Variants in COL16A1 observed in about 807,000 individuals in gnomAD.
COL16A1 encodes the protein collagen alpha-1(XVI) chain.
Under a neutral mutation model 266.3 loss-of-function variants are expected in COL16A1, and 189 were observed. That is an observed-to-expected ratio of 0.71 (90% CI 0.63 to 0.80). The LOEUF is 0.80. Ranked by LOEUF, COL16A1 falls within the 30% of genes least tolerant of loss-of-function variation. The pLI is 0.00. For missense variants in COL16A1, 1,928 were observed against 2,122.4 expected (o/e 0.91, Z 1.80); for synonymous variants, 740 against 782.3 (o/e 0.95, Z 0.90).
At chr1:31,674,282 G>A (rs921763214) in intron 44 of COL16A1, among the ~76,000 whole-genome samples, 2 of 152,196 alleles carry the variant, frequency 1.3e-5, no homozygotes, top group African/African-American at 4.8e-5. Context: ...AGGATGCTGG[G>A]CTAGAGGAGA....
intron 57 of COL16A1, 21 bp downstream of exon 57, chr1:31,662,566 G>A (rs114016347): frequency 0.031 from 49,129 of 1,560,402 alleles, 932 homozygotes; most frequent in Non-Finnish European, 0.038. Flanking sequence ...CGTCTGCCAC[G>A]CTGAAAGGGC....
rs559874463 is a variant in COL16A1, at chr1:31,657,362, T to C, written c.4021-294A>G. 32 of 476,590 alleles carry C rather than the reference T, an allele frequency of 6.7e-5. No homozygotes were observed. The South Asian group carries it at 1.1e-3, about 16-fold the overall frequency. The allele number at this position is 476,590 out of a possible 1,614,324, so 29.5% of individuals were successfully genotyped here. A position where few individuals can be genotyped will look rare whatever the true frequency, so the allele number is the denominator to read the frequency against. On this transcript the variant is annotated intron_variant, in intron 64 of 70. Coordinates refer to ENST00000373672, the MANE Select transcript of COL16A1 (RefSeq NM_001856.4). This position sits in a 1 kb window ranked among gnomAD's most constrained non-coding sequence, Gnocchi z 6.4. ...GCTTGGATCCTGGCACCTTGCACAC[T>C]CCCTGGCTCTGAATCTATGTTAAAC...
At chr1:31,694,032 A>G (rs1644390215) in intron 12 of COL16A1, 112 bp downstream of exon 12, 1 of 970,514 alleles carries the variant, frequency 1.0e-6, no homozygotes, top group Non-Finnish European at 1.6e-6. Context: ...CCCTACACAC[A>G]TACAGGCTCA....
chr1:31,693,190 G>A (rs768191352), intron 12 of COL16A1, 36 bp from the exon 13 acceptor site: 8 of 1,367,660 alleles, frequency 5.8e-6, no homozygotes, highest in East Asian at 4.6e-5. Context: ...TAGGACCAGA[G>A]GGGGCACATG....
At chr1:31,683,468 C>T (rs1643794167) in intron 34 of COL16A1, 99 bp from the exon 35 acceptor site, 1 of 1,602,986 alleles carries the variant, frequency 6.2e-7, no homozygotes, top group Non-Finnish European at 8.5e-7. Flanking sequence ...GGGGTATCTG[C>T]CAGCCCAAAT....
chr1:31,679,555 T>TG, intron 42 of COL16A1, 77 bp downstream of exon 42: 1 of 1,613,966 alleles, frequency 6.2e-7, no homozygotes, highest in East Asian at 2.2e-5. Flanking sequence ...GCAGCATCCT[T>TG]GGGGTCCAGC....
At chr1:31,661,878 C>A (rs1641701724) in intron 58 of COL16A1, 174 bp from the exon 59 acceptor site, 3 of 691,504 alleles carry the variant, frequency 4.3e-6, no homozygotes, top group Admixed American at 3.1e-5. Context: ...TCCAGCCCCT[C>A]TCCGGGCCTT....
intron 23 of COL16A1, 135 bp from the exon 24 acceptor site, chr1:31,689,220 C>T: frequency 7.1e-7 from 1 of 1,406,110 alleles, no homozygotes; most frequent in South Asian, 1.4e-5. Context: ...GGTCCAAGGC[C>T]AGCACCCCAG....
rs1641919225 is a variant in COL16A1 at position 31,664,121 on chromosome 1, G to A, written c.3555+1051C>T. ...TTCTCTGCAATGACCAGCCTAAGGA[G>A]AGCAGGGGCTGCCACTCAGGTCCTG... On this transcript the variant is annotated intron_variant, in intron 56 of 70. Coordinates refer to ENST00000373672, the MANE Select transcript of COL16A1 (RefSeq NM_001856.4). This position sits in a 1 kb window ranked among gnomAD's most constrained non-coding sequence, Gnocchi z 5.5. 7.1e-6 allele frequency among the ~76,000 whole-genome samples: 1 copy of A among 140,652 alleles called. No homozygotes were observed. Among genetic ancestry groups the A allele is most frequent in the South Asian group, 2.5e-4 (1 of 3,950 alleles). The allele number at this position is 140,652 out of a possible 152,430, so 92.3% of individuals were successfully genotyped here. A position where few individuals can be genotyped will look rare whatever the true frequency, so the allele number is the denominator to read the frequency against.
chr1:31,670,138 G>A lies in COL16A1; in HGVS notation c.3195+464C>T, dbSNP rs1304273984. On this transcript the variant is annotated intron_variant, in intron 49 of 70. Coordinates refer to ENST00000373672, the MANE Select transcript of COL16A1 (RefSeq NM_001856.4). This position sits in a 1 kb window ranked among gnomAD's most constrained non-coding sequence, Gnocchi z 4.5. ...CCCTAAAGCTTTGGCATCTCTGCTG[G>A]GCTCTGAGCCAGGTGCCTGGCAGGG... 1 of 158,648 alleles carries A rather than the reference G, an allele frequency of 6.3e-6. No individual in the cohort carries two copies. The highest frequency in any genetic ancestry group is 6.5e-5 in the Admixed American group (1 of 15,420). 9.8% of individuals were successfully genotyped at this position (158,648 alleles called of 1,614,324 possible).
At chr1:31,669,269 C>A (rs959249995) in intron 49 of COL16A1, among the ~76,000 whole-genome samples, 4 of 151,990 alleles carry the variant, frequency 2.6e-5, no homozygotes, top group African/African-American at 7.3e-5. Context: ...TGGATGCTGC[C>A]ACCAAAGTGT....
intron 4 of COL16A1, among the ~76,000 whole-genome samples, chr1:31,699,489 TGC>T (rs994480931): frequency 1.2e-4 from 19 of 152,016 alleles, no homozygotes; most frequent in Admixed American, 6.6e-4. Flanking sequence ...CACACGCATG[TGC>T]GCACACACAC....
intron 42 of COL16A1, among the ~76,000 whole-genome samples, 198 bp from the exon 43 acceptor site, chr1:31,675,509 G>A (rs557732572): frequency 2.6e-5 from 4 of 152,284 alleles, no homozygotes; most frequent in African/African-American, 9.6e-5. Context: ...GCCCAGAAGA[G>A]CGACCCCCCA....
chr1:31,660,486 A>G (rs1570362813), intron 62 of COL16A1, 99 bp downstream of exon 62: 19 of 1,518,392 alleles, frequency 1.3e-5, no homozygotes, highest in South Asian at 5.0e-5. Flanking sequence ...GGCAGCCCCT[A>G]TGGCAAGTTC....
chr1:31,681,930 G>A (rs544237456), intron 37 of COL16A1, among the ~76,000 whole-genome samples: 64 of 152,198 alleles, frequency 4.2e-4, no homozygotes, highest in Non-Finnish European at 5.4e-4. Context: ...TGCTTTGGAC[G>A]TTGGTGCACT....
chr1:31,695,903 C>T (rs1644477099), intron 9 of COL16A1, 116 bp from the exon 10 acceptor site: 1 of 1,026,872 alleles, frequency 9.7e-7, no homozygotes, highest in African/African-American at 1.6e-5. Context: ...GTGCCAGGCA[C>T]TGCGTCTGTC....
chr1:31,654,947 G>T, intron 67 of COL16A1, 89 bp from the exon 68 acceptor site: 1 of 1,361,828 alleles, frequency 7.3e-7, no homozygotes. Flanking sequence ...GGAAGGCAAA[G>T]GTCCCAGGAG....
intron 29 of COL16A1, 105 bp from the exon 30 acceptor site, chr1:31,684,961 TC>T: frequency 6.3e-7 from 1 of 1,590,614 alleles, no homozygotes; most frequent in Non-Finnish European, 8.5e-7. Flanking sequence ...ACAAACAAAA[TC>T]TCTGCTTTCG....
rs775619880 is a variant in COL16A1, at chr1:31,671,675, A to G, written c.3106-16T>C. The G allele has an allele frequency of 6.2e-7, 1 of 1,613,872 alleles. No individual in the cohort carries two copies. The highest frequency in any genetic ancestry group is 1.7e-5 in the Admixed American group (1 of 59,996). ...CAGGCGGACCCTGCAAAGGAAGCCA[A>G]GGGAAATGGATGAAGAGGCCCAGGC... On this transcript the variant is annotated splice_polypyrimidine_tract_variant and intron_variant, in intron 47 of 70. Coordinates refer to ENST00000373672, the MANE Select transcript of COL16A1 (RefSeq NM_001856.4).
Sources: allele counts gnomAD v4.1 joint callset (sites outside exome capture counted in the v4.1 genomes callset), GRCh38; gene constraint gnomAD v4.1.1; non-coding constraint Gnocchi (gnomAD v3.1); transcripts MANE v1.5; gene names NCBI Gene and HGNC (gene_info 2026-07-23, HGNC 2026-07-21).